Variants in GRIA1 observed in about 807,000 individuals in gnomAD.
The protein encoded by GRIA1 is glutamate receptor 1.
In GRIA1, 31 loss-of-function variants were observed where a neutral mutation model predicts 99.2. That is an observed-to-expected ratio of 0.31 (90% CI 0.23 to 0.42). GRIA1 has a LOEUF of 0.42. Ranked by LOEUF, GRIA1 falls within the 10% of genes least tolerant of loss-of-function variation. The probability of loss-of-function intolerance (pLI) is 1.00; values close to 1 mark genes in which losing one functional copy is unlikely to be tolerated. For missense variants in GRIA1, 782 were observed against 1,157.5 expected (o/e 0.68, Z 4.71); for synonymous variants, 438 against 432.4 (o/e 1.01, Z -0.16).
intron 2 of GRIA1, among the ~76,000 whole-genome samples, chr5:153,633,808 G>T (rs914928030): frequency 1.1e-4 from 17 of 152,122 alleles, no homozygotes; most frequent in Admixed American, 4.6e-4. Flanking sequence ...AGCTTACTTG[G>T]TCATTTATGC....
At chr5:153,521,157 G>T (rs1467559397) in intron 2 of GRIA1, among the ~76,000 whole-genome samples, 1 of 152,210 alleles carries the variant, frequency 6.6e-6, no homozygotes, top group Admixed American at 6.5e-5. Context: ...TGTTAGCTTG[G>T]CATGAAGGAT....
At chr5:153,791,272 CAA>C (rs111735656) in intron 13 of GRIA1, among the ~76,000 whole-genome samples, 1 of 125,560 alleles carries the variant, frequency 8.0e-6, no homozygotes. Flanking sequence ...TCATATCTAC[CAA>C]AAAAAAAAAA....
intron 11 of GRIA1, among the ~76,000 whole-genome samples, chr5:153,717,463 A>G (rs942491819): frequency 2.6e-5 from 4 of 152,044 alleles, no homozygotes; most frequent in Admixed American, 1.3e-4. Flanking sequence ...CTTGATTGAC[A>G]GGTACCATAG....
chr5:153,780,493 A>T (rs1581645594), intron 13 of GRIA1, among the ~76,000 whole-genome samples: 2 of 152,334 alleles, frequency 1.3e-5, no homozygotes, highest in East Asian at 3.9e-4. Context: ...AATGTAAAAA[A>T]CTGGAGGTAA....
chr5:153,576,237 T>C (rs971679834), intron 2 of GRIA1, among the ~76,000 whole-genome samples: 4 of 152,186 alleles, frequency 2.6e-5, no homozygotes, highest in Non-Finnish European at 5.9e-5. Context: ...TTTCTGAGGT[T>C]AGTTTATACA....
intron 7 of GRIA1, among the ~76,000 whole-genome samples, chr5:153,677,496 T>G (rs982358516): frequency 6.6e-6 from 1 of 152,176 alleles, no homozygotes. Context: ...CTGGAAACAC[T>G]CCCCTCTTGC....
chr5:153,527,328 C>T (rs773441085), intron 2 of GRIA1, among the ~76,000 whole-genome samples: 10 of 152,100 alleles, frequency 6.6e-5, no homozygotes, highest in Admixed American at 1.3e-4. Flanking sequence ...AGGATAGGTG[C>T]ATCGTGTTAG....
intron 11 of GRIA1, 140 bp downstream of exon 11, chr5:153,706,207 A>G: frequency 1.2e-6 from 1 of 814,318 alleles, no homozygotes; most frequent in Non-Finnish European, 2.0e-6. Context: ...ATTCTTTACA[A>G]TCAACTGTCC....
chr5:153,493,622 A>G (rs1015200276), intron 1 of GRIA1, among the ~76,000 whole-genome samples: 10 of 152,202 alleles, frequency 6.6e-5, no homozygotes, highest in Non-Finnish European at 1.3e-4. Flanking sequence ...TGGTTTGCAC[A>G]AGGGAGGAAG....
chr5:153,489,732 T>C (rs781219232), upstream of GRIA1: 7 of 455,140 alleles, frequency 1.5e-5, no homozygotes, highest in East Asian at 4.9e-4. Context: ...GGAGAGTCTA[T>C]GAAGTTCCAG....
In GRIA1 at chr5:153,493,869, G is replaced by A. The variant is rs987978891; in HGVS notation, c.83-59G>A. 5.7e-5 allele frequency: 90 copies of A among 1,576,784 alleles called. 1 individual carries two copies. The highest frequency in any genetic ancestry group is 1.7e-4 in the South Asian group (15 of 89,396). On this transcript the variant is annotated intron_variant, in intron 1 of 15. Transcript: ENST00000285900. ...GAAAAGGACTCATCTGGAGTGAGTC[G>A]TGAGGAACTAAAACCTGTCTCTAGC...
At chr5:153,717,303 G>T (rs1004265721) in intron 11 of GRIA1, among the ~76,000 whole-genome samples, 3 of 152,210 alleles carry the variant, frequency 2.0e-5, no homozygotes, top group African/African-American at 4.8e-5. Flanking sequence ...AATGAATGGT[G>T]CCTTGAAAGA....
At chr5:153,738,552 A>C (rs1315835638) in intron 11 of GRIA1, among the ~76,000 whole-genome samples, 3 of 152,016 alleles carry the variant, frequency 2.0e-5, no homozygotes, top group African/African-American at 4.8e-5. Context: ...AAAACTAGTG[A>C]GCTCTATTCC....
chr5:153,651,633 G>T (rs1363266354), intron 4 of GRIA1, among the ~76,000 whole-genome samples: 1 of 152,132 alleles, frequency 6.6e-6, no homozygotes, highest in African/African-American at 2.4e-5. Flanking sequence ...AGAGAATCTT[G>T]GTACTAGGAC....
At chr5:153,624,650 T>A (rs1767406170) in intron 2 of GRIA1, among the ~76,000 whole-genome samples, 1 of 152,202 alleles carries the variant, frequency 6.6e-6, no homozygotes, top group African/African-American at 2.4e-5. Context: ...TTACAGGTTA[T>A]TTGAAACCTC....
chr5:153,659,476 A>T (rs1027366490), intron 5 of GRIA1, among the ~76,000 whole-genome samples: 1 of 152,130 alleles, frequency 6.6e-6, no homozygotes, highest in Non-Finnish European at 1.5e-5. Context: ...CTGACTGTGC[A>T]TTCACTCCCT....
chr5:153,730,833 T>A (rs1760958273), intron 11 of GRIA1, among the ~76,000 whole-genome samples: 1 of 152,158 alleles, frequency 6.6e-6, no homozygotes, highest in Non-Finnish European at 1.5e-5. Context: ...TGTATTTCAA[T>A]GGCATAATTC....
chr5:153,619,902 T>G (rs777928661), intron 2 of GRIA1, among the ~76,000 whole-genome samples: 4 of 152,146 alleles, frequency 2.6e-5, no homozygotes, highest in Non-Finnish European at 5.9e-5. Context: ...GAGGACAATA[T>G]TTCCCCAAAC....
At chr5:153,739,965 C>T (rs766300319) in intron 11 of GRIA1, among the ~76,000 whole-genome samples, 3 of 152,140 alleles carry the variant, frequency 2.0e-5, no homozygotes, top group African/African-American at 7.2e-5. Flanking sequence ...ATTTATGAGA[C>T]GTGTTGTTGA....
Sources: allele counts gnomAD v4.1 joint callset (sites outside exome capture counted in the v4.1 genomes callset), GRCh38; gene constraint gnomAD v4.1.1; transcripts MANE v1.5; gene names NCBI Gene and HGNC (gene_info 2026-07-23, HGNC 2026-07-21).